Variants in PIEZO2 observed in about 807,000 individuals in gnomAD.
PIEZO2 encodes the protein piezo type mechanosensitive ion channel component 2.
A neutral mutation model predicts 337.3 loss-of-function variants in PIEZO2; 172 were observed. That is an observed-to-expected ratio of 0.51 (90% CI 0.45 to 0.58). The LOEUF (loss-of-function observed/expected upper bound fraction) is 0.58. Among genes scored for constraint, PIEZO2 ranks in the 20% least tolerant of loss-of-function variants. The probability of loss-of-function intolerance (pLI) is 0.00; values close to 1 mark genes in which losing one functional copy is unlikely to be tolerated. For missense variants in PIEZO2, 3,028 were observed against 3,391.3 expected (o/e 0.89, Z 2.66); for synonymous variants, 1,251 against 1,228.5 (o/e 1.02, Z -0.38).
chr18:11,001,922 G>GAAGGAAGGAAGT lies in PIEZO2; in HGVS notation c.161-22263_161-22262insACTTCCTTCCTT, dbSNP rs2035554291. ...AGGAAGGAAGAAGGAAGGAAGGAAG[G>GAAGGAAGGAAGT]AAGGAAGGAAGGAAGGAAGGAAGGA... On this transcript the variant is annotated intron_variant, in intron 2 of 55. Transcript: ENST00000674853. This position sits in a 1 kb window ranked among gnomAD's most constrained non-coding sequence, Gnocchi z 5.3. 1.1e-5 allele frequency among the ~76,000 whole-genome samples: 1 copy of GAAGGAAGGAAGT among 88,988 alleles called. No individual in the cohort carries two copies. Among genetic ancestry groups the GAAGGAAGGAAGT allele is most frequent in the Non-Finnish European group, 3.0e-5 (1 of 32,902 alleles). 58.4% of individuals were successfully genotyped at this position (88,988 alleles called of 152,430 possible).
At chr18:10,977,464 A>G (rs1280809459) in intron 3 of PIEZO2, among the ~76,000 whole-genome samples, 1 of 152,104 alleles carries the variant, frequency 6.6e-6, no homozygotes, top group Non-Finnish European at 1.5e-5. Context: ...TCCTGAGAGT[A>G]CCTTATTAAG....
chr18:10,680,451 A>C, intron 51 of PIEZO2, 80 bp from the exon 52 acceptor site: 1 of 1,298,734 alleles, frequency 7.7e-7, no homozygotes, highest in African/African-American at 1.5e-5. Flanking sequence ...CTTCCTTTTA[A>C]CTGGCAGTAT....
intron 27 of PIEZO2, among the ~76,000 whole-genome samples, chr18:10,754,850 G>T (rs1411516902): frequency 1.3e-5 from 2 of 152,138 alleles, no homozygotes; most frequent in Admixed American, 1.3e-4. Context: ...GAGCTGGATT[G>T]CTTGAGTTCC....
At chr18:10,760,056 T>C in intron 24 of PIEZO2, 147 bp from the exon 25 acceptor site, 1 of 722,480 alleles carries the variant, frequency 1.4e-6, no homozygotes, top group South Asian at 1.8e-5. Flanking sequence ...CTTGCTCTTT[T>C]GAGTGTCTCA....
In PIEZO2 at chr18:10,954,661, C is replaced by T. The variant is rs1013371759; in HGVS notation, c.286+24874G>A. 6.6e-5 allele frequency among the ~76,000 whole-genome samples: 10 copies of T among 152,090 alleles called. No individual in the cohort carries two copies. The highest frequency in any genetic ancestry group is 1.9e-4 in the African/African-American group (8 of 41,414). The stretch of plus-strand genomic sequence containing the variant: ...GCTGAGCTAGAGTGATGGCGGCACT[C>T]GAAGTCCACTGCAGTCCACTTTTGG... On this transcript the variant is annotated intron_variant, in intron 3 of 55. Coordinates refer to ENST00000674853, the MANE Select transcript of PIEZO2 (RefSeq NM_001378183.1). This position sits in a 1 kb window ranked among gnomAD's most constrained non-coding sequence, Gnocchi z 4.2.
chr18:10,792,293 A>G (rs1332735820), intron 13 of PIEZO2, among the ~76,000 whole-genome samples: 1 of 152,180 alleles, frequency 6.6e-6, no homozygotes, highest in Non-Finnish European at 1.5e-5. Context: ...TATATAATTC[A>G]CATACCATGC....
chr18:10,867,206 C>T (rs1246485039), intron 5 of PIEZO2, among the ~76,000 whole-genome samples: 1 of 152,164 alleles, frequency 6.6e-6, no homozygotes, highest in Non-Finnish European at 1.5e-5. Flanking sequence ...AAGCTGGAGA[C>T]TTTAGACTAA....
chr18:10,839,775 T>C (rs1196038925), intron 7 of PIEZO2, among the ~76,000 whole-genome samples: 1 of 127,016 alleles, frequency 7.9e-6, no homozygotes, highest in East Asian at 3.4e-4. Context: ...CCAAGGAGTA[T>C]CATTTTTTTT....
rs1040725774 is a variant in PIEZO2 at position 11,109,503 on chromosome 18, G to T, written c.64+39022C>A. Reference sequence around the variant, plus strand: ...GGCCGAGGTGGGTGGATCACTTGAGGTCAGGGGTTTGAGACGACCCTGGCC... The same window carrying T: ...GGCCGAGGTGGGTGGATCACTTGAGTTCAGGGGTTTGAGACGACCCTGGCC... On this transcript the variant is annotated intron_variant, in intron 1 of 55. Coordinates refer to ENST00000674853, the MANE Select transcript of PIEZO2 (RefSeq NM_001378183.1). The surrounding 1 kb of genome is among the most constrained non-coding windows in gnomAD (Gnocchi z 5.1). Among the ~76,000 whole-genome samples, 2 of 152,124 alleles carry T rather than the reference G, an allele frequency of 1.3e-5. No homozygotes were observed. Among genetic ancestry groups the T allele is most frequent in the East Asian group, 1.9e-4 (1 of 5,186 alleles).
intron 2 of PIEZO2, among the ~76,000 whole-genome samples, chr18:11,023,196 G>A (rs1196507106): frequency 2.0e-5 from 3 of 152,124 alleles, no homozygotes; most frequent in Non-Finnish European, 4.4e-5. Context: ...TGCCACTGCT[G>A]GCTCGGGCAG....
rs1345505005 is a variant in PIEZO2 at position 10,795,166 on chromosome 18, G to A, written c.1528-164C>T. On this transcript the variant is annotated intron_variant, in intron 12 of 55. Transcript: ENST00000674853. This position sits in a 1 kb window ranked among gnomAD's most constrained non-coding sequence, Gnocchi z 4.4. ...TGGAGACCCCAAGCCGTGGAGTGGT[G>A]GCTTGGAAGGCAGGAGGTTTTAAAG... Among the ~76,000 whole-genome samples the A allele has an allele frequency of 7.2e-5, 11 of 152,172 alleles. No homozygotes were observed.
At chr18:10,951,526 G>C (rs114762163) in intron 3 of PIEZO2, among the ~76,000 whole-genome samples, 1 of 152,124 alleles carries the variant, frequency 6.6e-6, no homozygotes, top group Non-Finnish European at 1.5e-5. Flanking sequence ...TTTCTAAAAC[G>C]TCATCTGCTG....
At chr18:11,082,018 C>T (rs1357244865) in intron 1 of PIEZO2, among the ~76,000 whole-genome samples, 1 of 152,146 alleles carries the variant, frequency 6.6e-6, no homozygotes, top group East Asian at 1.9e-4. Context: ...CCTCAGCCTC[C>T]CAAAGTGCTG....
In PIEZO2 at chr18:11,048,031, C is replaced by T. The variant is rs548957026; in HGVS notation, c.160+18096G>A. Among the ~76,000 whole-genome samples the T allele has an allele frequency of 6.6e-6, 1 of 152,106 alleles. No homozygotes were observed. Among genetic ancestry groups the T allele is most frequent in the Non-Finnish European group, 1.5e-5 (1 of 68,016 alleles). On this transcript the variant is annotated intron_variant, in intron 2 of 55. Transcript: ENST00000674853. The surrounding 1 kb of genome is among the most constrained non-coding windows in gnomAD (Gnocchi z 4.5). ...TGGTCTGCAGCTCTGAAAGTGGTTCCAGGCCAACCCACCCAGTGACACCTG... is the reference window on the plus strand; with the variant it reads ...TGGTCTGCAGCTCTGAAAGTGGTTCTAGGCCAACCCACCCAGTGACACCTG...
At chr18:10,941,930 T>C (rs1387006613) in intron 3 of PIEZO2, among the ~76,000 whole-genome samples, 1 of 152,134 alleles carries the variant, frequency 6.6e-6, no homozygotes, top group African/African-American at 2.4e-5. Flanking sequence ...GGTGGGTCTT[T>C]CCAGTGCTGT....
chr18:10,994,219 C>T (rs960455643), intron 2 of PIEZO2, among the ~76,000 whole-genome samples: 3 of 152,320 alleles, frequency 2.0e-5, no homozygotes, highest in African/African-American at 4.8e-5. Flanking sequence ...TAGTCCATCA[C>T]ATATATGTTT....
intron 3 of PIEZO2, among the ~76,000 whole-genome samples, chr18:10,926,986 G>C (rs545028918): frequency 5.3e-5 from 8 of 152,314 alleles, no homozygotes; most frequent in African/African-American, 1.7e-4. Context: ...CTCCTTTTGT[G>C]AAAGAAAGAA....
At chr18:11,037,408 T>C (rs923302837) in intron 2 of PIEZO2, among the ~76,000 whole-genome samples, 5 of 152,156 alleles carry the variant, frequency 3.3e-5, no homozygotes, top group African/African-American at 1.2e-4. Flanking sequence ...CAAGCTAAAC[T>C]AAAAAATAAT....
intron 1 of PIEZO2, among the ~76,000 whole-genome samples, chr18:11,118,626 C>T (rs2039951331): frequency 6.6e-6 from 1 of 152,032 alleles, no homozygotes. Flanking sequence ...TCTCACATGC[C>T]CTGATTTATT....
Sources: gnomAD v4.1 joint callset for allele counts (sites outside exome capture counted in the v4.1 genomes callset) on GRCh38, gnomAD v4.1.1 for gene constraint, Gnocchi (gnomAD v3.1) non-coding constraint, MANE v1.5 for transcripts, NCBI Gene and HGNC (gene_info 2026-07-23, HGNC 2026-07-21) for gene names.